The following SORCS2 variants were observed in gnomAD, a reference collection of about 807,000 sequenced individuals.
The protein encoded by SORCS2 is sortilin related VPS10 domain containing receptor 2, also known as VPS10 domain-containing receptor SorCS2.
A neutral mutation model predicts 141.6 loss-of-function variants in SORCS2; 100 were observed. That is an observed-to-expected ratio of 0.71 (90% confidence interval 0.60 to 0.83). SORCS2 has a LOEUF of 0.83. Ranked by LOEUF, SORCS2 falls within the 40% of genes least tolerant of loss-of-function variation. SORCS2 has a pLI of 0.00. For missense variants in SORCS2, 1,646 were observed against 1,560.2 expected (o/e 1.05, Z -0.93); for synonymous variants, 789 against 676.9 (o/e 1.17, Z -2.57).
intron 1 of SORCS2, among the ~76,000 whole-genome samples, chr4:7,370,420 G>T (rs779598110): frequency 6.6e-6 from 1 of 152,206 alleles, no homozygotes; most frequent in Non-Finnish European, 1.5e-5. Context: ...TGTATTCAGA[G>T]GACAGCCTGG....
chr4:7,470,062 C>T lies in SORCS2; in HGVS notation c.549-61468C>T, dbSNP rs112309474. ...AGGGAAGTTCATGGCCAAGGGAAAA[C>T]GCTCCTCCCTCTTGAGCATTTTCTA... On this transcript the variant is annotated intron_variant, in intron 2 of 26. Transcript: ENST00000507866. Among the ~76,000 whole-genome samples, 685 of 152,284 alleles carry T rather than the reference C, an allele frequency of 4.5e-3. 7 individuals carry two copies. The highest frequency in any genetic ancestry group is 0.015 in the African/African-American group (639 of 41,566).
In SORCS2 at chr4:7,429,721, G is replaced by A. The variant is rs560745073; in HGVS notation, c.548+33366G>A. On this transcript the variant is annotated intron_variant, in intron 2 of 26. Coordinates refer to ENST00000507866, the MANE Select transcript of SORCS2 (RefSeq NM_020777.3). Reference sequence around the variant, plus strand: ...GAGGACCCTGAACCAAGGCCACAGAGTGGTGGGGTCAGGACTTGCACGTGG... The same window carrying A: ...GAGGACCCTGAACCAAGGCCACAGAATGGTGGGGTCAGGACTTGCACGTGG... 5.9e-5 allele frequency among the ~76,000 whole-genome samples: 9 copies of A among 152,356 alleles called. No individual in the cohort carries two copies. The East Asian group carries it at 1.7e-3, about 29-fold the overall frequency.
Position 7,201,908 on chromosome 4 carries a change from G to T in SORCS2, c.480+8782G>T, listed in dbSNP as rs2108862451. ...AGAGATCCCTGGCTCTGGCCACCGG[G>T]AGGGCAAGGTCTCCGTCTGTAGCTT... is the stretch of plus-strand genomic sequence containing the variant. On this transcript the variant is annotated intron_variant, in intron 1 of 26. Coordinates refer to ENST00000507866, the MANE Select transcript of SORCS2 (RefSeq NM_020777.3). This position sits in a 1 kb window ranked among gnomAD's most constrained non-coding sequence, Gnocchi z 4.4. Among the ~76,000 whole-genome samples, 1 of 152,294 alleles carries T rather than the reference G, an allele frequency of 6.6e-6. No individual in the cohort carries two copies. The highest frequency in any genetic ancestry group is 3.4e-3 in the Middle Eastern group (1 of 292).
chr4:7,613,661 C>A (rs1718568610), intron 3 of SORCS2, among the ~76,000 whole-genome samples: 1 of 152,124 alleles, frequency 6.6e-6, no homozygotes, highest in Non-Finnish European at 1.5e-5. Context: ...CACTGGACAA[C>A]CGATTCCACA....
In SORCS2 at chr4:7,697,256, TG is replaced by T; in HGVS notation, c.1652del (p.Gly551ValfsTer22). The T allele has an allele frequency of 6.3e-7, 1 of 1,589,114 alleles. No homozygotes were observed. The highest frequency in any genetic ancestry group is 1.8e-5 in the Admixed American group (1 of 56,744). On this transcript the variant is annotated frameshift_variant, in exon 12 of 27. Coordinates refer to ENST00000507866, the MANE Select transcript of SORCS2 (RefSeq NM_020777.3). LOFTEE classifies it high-confidence loss of function. ...KEEMYITSDC[G>X]HTWRQVFEEE... ...AAGAAATGTACATCACGTCAGACTG[TG>T]GTCACACCTGGCGGCAGGTAAGCTG...
At chr4:7,524,114 C>T (rs192206693) in intron 2 of SORCS2, among the ~76,000 whole-genome samples, 238 of 152,286 alleles carry the variant, frequency 1.6e-3, no homozygotes, top group Admixed American at 3.0e-3. Context: ...TAGAGTCGCC[C>T]CCAAAATCTC....
intron 3 of SORCS2, among the ~76,000 whole-genome samples, chr4:7,616,098 G>A (rs1718738690): frequency 6.6e-6 from 1 of 152,118 alleles, no homozygotes; most frequent in Non-Finnish European, 1.5e-5. Flanking sequence ...TAGCCTATAG[G>A]AACAGGTTTT....
chr4:7,258,899 C>T (rs1431263236), intron 1 of SORCS2, among the ~76,000 whole-genome samples: 20 of 152,262 alleles, frequency 1.3e-4, no homozygotes, highest in African/African-American at 2.4e-5. Flanking sequence ...TTTTTTCATA[C>T]GTTTGTTGGC....
chr4:7,673,977 G>A (rs1399332696), intron 8 of SORCS2, among the ~76,000 whole-genome samples: 1 of 152,234 alleles, frequency 6.6e-6, no homozygotes, highest in African/African-American at 2.4e-5. Flanking sequence ...ACGCCCGGAT[G>A]ACAGAGTGCA....
intron 1 of SORCS2, among the ~76,000 whole-genome samples, chr4:7,309,868 G>C (rs4689696): frequency 0.71 from 108,315 of 152,098 alleles, 41,136 homozygotes; most frequent in Non-Finnish European, 0.85. Flanking sequence ...TTGGTAGGTG[G>C]CAGCTGGATG....
chr4:7,387,807 C>A (rs1197339157), intron 1 of SORCS2, among the ~76,000 whole-genome samples: 1 of 149,094 alleles, frequency 6.7e-6, no homozygotes, highest in Non-Finnish European at 1.5e-5. Flanking sequence ...CTCACATGCA[C>A]ACACAGATAC....
At chr4:7,242,238 C>T (rs1577313894) in intron 1 of SORCS2, among the ~76,000 whole-genome samples, 2 of 152,104 alleles carry the variant, frequency 1.3e-5, no homozygotes, top group South Asian at 4.1e-4. Context: ...CTCATTCTGT[C>T]ATCCAAGAGT....
chr4:7,321,909 G>T (rs918018781), intron 1 of SORCS2, among the ~76,000 whole-genome samples: 2 of 152,176 alleles, frequency 1.3e-5, no homozygotes, highest in African/African-American at 4.8e-5. Context: ...TACTTTACCT[G>T]CAAGGGGCAG....
chr4:7,349,389 G>T (rs1009610356), intron 1 of SORCS2, among the ~76,000 whole-genome samples: 1 of 152,150 alleles, frequency 6.6e-6, no homozygotes, highest in African/African-American at 2.4e-5. Flanking sequence ...GGCTGCCACT[G>T]GCCCCGTGCC....
intron 1 of SORCS2, among the ~76,000 whole-genome samples, chr4:7,266,844 A>T (rs1714767958): frequency 6.6e-6 from 1 of 152,230 alleles, no homozygotes; most frequent in African/African-American, 2.4e-5. Flanking sequence ...CACCAGGGTC[A>T]GGCTGCCGGG....
chr4:7,425,358 C>T lies in SORCS2; in HGVS notation c.548+29003C>T, dbSNP rs577550236. ...ACGTCCCCTTGAGATGAGATGACCC[C>T]GATAAAGGGCCTTGCCTGTGGAAGG... is the stretch of plus-strand genomic sequence containing the variant. On this transcript the variant is annotated intron_variant, in intron 2 of 26. Transcript: ENST00000507866. 2.2e-4 allele frequency among the ~76,000 whole-genome samples: 33 copies of T among 152,260 alleles called. No individual in the cohort carries two copies. In the South Asian group the frequency reaches 3.5e-3, roughly 16 times the overall value.
At chr4:7,739,024 G>C (rs923391986) in intron 26 of SORCS2, among the ~76,000 whole-genome samples, 1 of 152,172 alleles carries the variant, frequency 6.6e-6, no homozygotes, top group Non-Finnish European at 1.5e-5. Context: ...CGGAGCGCTC[G>C]CTCTGTGTCA....
chr4:7,409,412 G>C (rs2109148474), intron 2 of SORCS2, among the ~76,000 whole-genome samples: 2 of 152,358 alleles, frequency 1.3e-5, no homozygotes, highest in Middle Eastern at 6.8e-3. Context: ...ACAGCATGGT[G>C]CTGCTGAACA....
chr4:7,462,294 G>T (rs1475981377), intron 2 of SORCS2, among the ~76,000 whole-genome samples: 1 of 152,226 alleles, frequency 6.6e-6, no homozygotes, highest in African/African-American at 2.4e-5. Flanking sequence ...CTGTGAGCGG[G>T]AGATGTGAGC....
Sources: gnomAD v4.1 joint callset for allele counts (sites outside exome capture counted in the v4.1 genomes callset) on GRCh38, gnomAD v4.1.1 for gene constraint, Gnocchi (gnomAD v3.1) non-coding constraint, MANE v1.5 for transcripts, NCBI Gene and HGNC (gene_info 2026-07-23, HGNC 2026-07-21) for gene names.